The following LRBA variants were observed in gnomAD, a reference collection of about 807,000 sequenced individuals.
The protein encoded by LRBA is LPS responsive beige-like anchor protein.
In LRBA, 176 loss-of-function variants were observed where a neutral mutation model predicts 330.0. The ratio of observed to expected loss-of-function variants is 0.53; its 90% CI spans 0.47 to 0.60. LRBA has a LOEUF of 0.60. Ranked by LOEUF, LRBA falls within the 20% of genes least tolerant of loss-of-function variation. The pLI is 0.00. For synonymous variants in LRBA, 1,230 were observed against 1,193.0 expected, an observed-to-expected ratio of 1.03 and a Z score of -0.64; for missense variants, 3,259 against 3,444.8, an observed-to-expected ratio of 0.95 and a Z score of 1.35.
At chr4:150,375,435 T>G (rs760760658) in intron 47 of LRBA, among the ~76,000 whole-genome samples, 27 of 151,972 alleles carry the variant, frequency 1.8e-4, no homozygotes, top group Non-Finnish European at 3.2e-4. Context: ...ACCATCCAAT[T>G]CCTCTTGAAA....
At chr4:150,568,006 A>G (rs1447576586) in intron 40 of LRBA, among the ~76,000 whole-genome samples, 1 of 152,126 alleles carries the variant, frequency 6.6e-6, no homozygotes, top group African/African-American at 2.4e-5. Context: ...CTGAAGCATC[A>G]GTTCAAAGAG....
chr4:150,414,913 G>A (rs2151950681), intron 47 of LRBA, among the ~76,000 whole-genome samples: 1 of 152,262 alleles, frequency 6.6e-6, no homozygotes, highest in African/African-American at 2.4e-5. Context: ...AGATAATGAA[G>A]GACACTAAAG....
chr4:150,507,117 G>A (rs1375421595), intron 40 of LRBA, among the ~76,000 whole-genome samples: 117 of 151,512 alleles, frequency 7.7e-4, no homozygotes, highest in African/African-American at 2.7e-3. Context: ...GCTCATGGGT[G>A]GGAAGAATCA....
At chr4:150,943,827 T>C (rs766319466) in intron 2 of LRBA, among the ~76,000 whole-genome samples, 2 of 152,148 alleles carry the variant, frequency 1.3e-5, no homozygotes, top group Non-Finnish European at 2.9e-5. Context: ...CCTCCCACAT[T>C]TGGCTGGTCT....
At chr4:150,750,457 T>C (rs2126381422) in intron 35 of LRBA, among the ~76,000 whole-genome samples, 1 of 152,354 alleles carries the variant, frequency 6.6e-6, no homozygotes, top group Non-Finnish European at 1.5e-5. Flanking sequence ...TCTGCAATTC[T>C]ATCCTATAAA....
At chr4:150,965,691 G>A (rs950063729) in intron 2 of LRBA, among the ~76,000 whole-genome samples, 4 of 151,114 alleles carry the variant, frequency 2.6e-5, no homozygotes, top group African/African-American at 9.7e-5. Flanking sequence ...AGGCACATAC[G>A]ACCATGCCCG....
chr4:150,289,692 C>T (rs1039618122), intron 53 of LRBA, among the ~76,000 whole-genome samples: 2 of 152,146 alleles, frequency 1.3e-5, no homozygotes, highest in Non-Finnish European at 1.5e-5. Context: ...AGATTGTATT[C>T]CCTTTATTAT....
At chr4:150,414,642 C>T (rs888083199) in intron 47 of LRBA, among the ~76,000 whole-genome samples, 2 of 152,090 alleles carry the variant, frequency 1.3e-5, no homozygotes, top group African/African-American at 4.8e-5. Context: ...AGGCGCCTGC[C>T]ACCACATCCG....
At chr4:150,750,670 C>T (rs1733405751) in intron 35 of LRBA, among the ~76,000 whole-genome samples, 1 of 151,942 alleles carries the variant, frequency 6.6e-6, no homozygotes, top group South Asian at 2.1e-4. Context: ...TGGGCTCAAG[C>T]AATCCTCCCA....
intron 52 of LRBA, 86 bp downstream of exon 52, chr4:150,310,143 G>A (rs901327952): frequency 1.1e-6 from 1 of 888,446 alleles, no homozygotes; most frequent in African/African-American, 1.7e-5. Context: ...GTAATTTTTG[G>A]AAGGAAGCAG....
intron 36 of LRBA, among the ~76,000 whole-genome samples, chr4:150,729,154 T>A (rs1730108686): frequency 6.6e-6 from 1 of 151,758 alleles, no homozygotes; most frequent in African/African-American, 2.4e-5. Flanking sequence ...CCTGCCTCTA[T>A]AAAAAACACA....
chr4:150,444,539 T>G (rs897049082), intron 44 of LRBA, among the ~76,000 whole-genome samples: 2 of 152,196 alleles, frequency 1.3e-5, no homozygotes, highest in Admixed American at 1.3e-4. Context: ...TATTTCGTTA[T>G]ATGCTATATA....
rs535979937 is a variant in LRBA, at chr4:150,812,272, A to G, written c.5306-3874T>C. Among the ~76,000 whole-genome samples, 5 of 152,324 alleles carry G rather than the reference A, an allele frequency of 3.3e-5. No individual in the cohort carries two copies. The East Asian group carries it at 9.6e-4, about 29-fold the overall frequency. ...GAAGCTACCTCCTACATGTGGAATGATACTCACTTATCTTTTCCTTATCCT... is the reference window on the plus strand; with the variant it reads ...GAAGCTACCTCCTACATGTGGAATGGTACTCACTTATCTTTTCCTTATCCT... On this transcript the variant is annotated intron_variant, in intron 31 of 56. Transcript: ENST00000651943.
intron 37 of LRBA, among the ~76,000 whole-genome samples, chr4:150,625,403 A>G (rs1428205842): frequency 6.6e-6 from 1 of 152,198 alleles, no homozygotes; most frequent in East Asian, 1.9e-4. Flanking sequence ...GCAGAATTAT[A>G]TTTTATCTCA....
At chr4:150,923,596 GTTTA>G (rs1472742154) in intron 4 of LRBA, among the ~76,000 whole-genome samples, 1 of 152,148 alleles carries the variant, frequency 6.6e-6, no homozygotes, top group Non-Finnish European at 1.5e-5. Flanking sequence ...GCAACGCTGA[GTTTA>G]TTTGATTAAT....
At chr4:150,788,417 C>T (rs1739400199) in intron 34 of LRBA, among the ~76,000 whole-genome samples, 1 of 151,776 alleles carries the variant, frequency 6.6e-6, no homozygotes, top group South Asian at 2.1e-4. Flanking sequence ...TCTTAATATA[C>T]CCATTTCACT....
At chr4:150,347,240 T>A (rs1736499371) in intron 48 of LRBA, among the ~76,000 whole-genome samples, 1 of 152,180 alleles carries the variant, frequency 6.6e-6, no homozygotes, top group African/African-American at 2.4e-5. Flanking sequence ...AGTTATTGTT[T>A]AATGCTTAGA....
rs1254380563 is a variant in LRBA at position 150,983,344 on chromosome 4, A to G, written c.216+31083T>C. Among the ~76,000 whole-genome samples the G allele has an allele frequency of 2.0e-5, 3 of 151,908 alleles. No individual in the cohort carries two copies. The East Asian group carries it at 5.8e-4, about 30-fold the overall frequency. On this transcript the variant is annotated intron_variant, in intron 2 of 56. Transcript: ENST00000651943. The stretch of plus-strand genomic sequence containing the variant: ...ATGGAACATGCCTGTAGTCCCAGTT[A>G]CTGAGGAAGTTGAGGCAGAAGGAAT...
At position 150,900,068 on chromosome 4, in the gene LRBA, A is replaced by G; in HGVS notation, c.1905T>C (p.Gly635=). 1 of 1,612,704 alleles carries G rather than the reference A, an allele frequency of 6.2e-7. No homozygotes were observed. The highest frequency in any genetic ancestry group is 1.1e-5 in the South Asian group (1 of 90,958). ...YWAVNPQDRS[G]ITPKGLDGPR... ...ATATACCTAATCCTTTTGGGGTGAT[A>G]CCACTTCGATCCTGAGGATTCACTG... The change falls in exon 14 of 57, where the codon GGT becomes GGC. Residue 635 remains glycine (G), a synonymous_variant. Transcript: ENST00000651943.
Sources: gnomAD v4.1 joint callset for allele counts (sites outside exome capture counted in the v4.1 genomes callset) on GRCh38, gnomAD v4.1.1 for gene constraint, MANE v1.5 for transcripts, NCBI Gene and HGNC (gene_info 2026-07-23, HGNC 2026-07-21) for gene names.